MTCL3: variants seen among roughly 807,000 people sequenced by gnomAD.
MTCL3 encodes the protein microtubule cross-linking factor 3.
the MTCL3 span, chr6:127,476,272 G>A: frequency 6.2e-7 from 1 of 1,614,144 alleles, no homozygotes; most frequent in Non-Finnish European, 8.5e-7. The surrounding 1 kb of genome is among the most constrained non-coding windows in gnomAD (Gnocchi z 4.4). Context: ...CTTGAGCTCG[G>A]CCTCCCTAGT....
At chr6:127,512,183 G>A in the MTCL3 span, among the ~76,000 whole-genome samples, 1 of 151,956 alleles carries the variant, frequency 6.6e-6, no homozygotes, top group Non-Finnish European at 1.5e-5. Flanking sequence ...TCTTTTAGAA[G>A]ACTCATGGTA....
chr6:127,502,849 G>A, the MTCL3 span, among the ~76,000 whole-genome samples: 1 of 152,186 alleles, frequency 6.6e-6, no homozygotes, highest in East Asian at 1.9e-4. Context: ...TTGAGAGTCA[G>A]CTATTACGTG....
the MTCL3 span, chr6:127,475,255 C>G: frequency 1.9e-6 from 3 of 1,546,538 alleles, no homozygotes; most frequent in Non-Finnish European, 2.6e-6. This position sits in a 1 kb window ranked among gnomAD's most constrained non-coding sequence, Gnocchi z 7.3. Context: ...ACGGGCCAGC[C>G]TGGCCACCGC....
the MTCL3 span, among the ~76,000 whole-genome samples, chr6:127,500,671 T>G: frequency 6.6e-6 from 1 of 152,180 alleles, no homozygotes; most frequent in Non-Finnish European, 1.5e-5. Flanking sequence ...ATCTTCTCCT[T>G]CTCCCACCTT....
At chr6:127,482,869 T>A in the MTCL3 span, 1 of 1,419,948 alleles carries the variant, frequency 7.0e-7, no homozygotes. The surrounding 1 kb of genome is among the most constrained non-coding windows in gnomAD (Gnocchi z 4.1). Flanking sequence ...TTATATACAC[T>A]TAGAGGTACT....
chr6:127,515,921 T>G, the MTCL3 span: 3 of 1,610,532 alleles, frequency 1.9e-6, no homozygotes, highest in Non-Finnish European at 2.5e-6. This position sits in a 1 kb window ranked among gnomAD's most constrained non-coding sequence, Gnocchi z 4.3. Flanking sequence ...CCGGAGTTTC[T>G]GCTGCCGGTT....
At chr6:127,486,535 C>T in the MTCL3 span, among the ~76,000 whole-genome samples, 6 of 152,146 alleles carry the variant, frequency 3.9e-5, no homozygotes, top group Non-Finnish European at 5.9e-5. Flanking sequence ...CTTGTAACCT[C>T]TGCTAGGGGA....
chr6:127,506,190 C>T, the MTCL3 span, among the ~76,000 whole-genome samples: 8 of 152,134 alleles, frequency 5.3e-5, no homozygotes, highest in Non-Finnish European at 1.0e-4. Flanking sequence ...TGACTATTAT[C>T]TTTTCTGTAA....
the MTCL3 span, chr6:127,475,648 G>A: frequency 6.3e-7 from 1 of 1,594,954 alleles, no homozygotes; most frequent in Non-Finnish European, 8.5e-7. The surrounding 1 kb of genome is among the most constrained non-coding windows in gnomAD (Gnocchi z 7.3). Context: ...GCGAGTGGGC[G>A]TGAGGCAGCG....
chr6:127,506,260 C>T, the MTCL3 span, among the ~76,000 whole-genome samples: 8 of 152,148 alleles, frequency 5.3e-5, no homozygotes, highest in African/African-American at 1.9e-4. Context: ...TTAGAAGGCT[C>T]ATTTATCCAT....
chr6:127,500,977 A>G, the MTCL3 span, among the ~76,000 whole-genome samples: 1 of 152,050 alleles, frequency 6.6e-6, no homozygotes, highest in Non-Finnish European at 1.5e-5. Flanking sequence ...ACGCCTGGCT[A>G]ATTTTTTTGT....
At chr6:127,510,466 A>C in the MTCL3 span, among the ~76,000 whole-genome samples, 1 of 152,194 alleles carries the variant, frequency 6.6e-6, no homozygotes, top group Non-Finnish European at 1.5e-5. Flanking sequence ...CTTTTATTTT[A>C]AGATGGGAGA....
At chr6:127,507,987 G>A in the MTCL3 span, among the ~76,000 whole-genome samples, 3 of 151,038 alleles carry the variant, frequency 2.0e-5, no homozygotes, top group Non-Finnish European at 2.9e-5. Flanking sequence ...CATGTTATTC[G>A]ACAAACTATT....
At chr6:127,476,457 T>C in the MTCL3 span, 3 of 1,586,610 alleles carry the variant, frequency 1.9e-6, no homozygotes, top group Non-Finnish European at 2.6e-6. The surrounding 1 kb of genome is among the most constrained non-coding windows in gnomAD (Gnocchi z 4.4). Context: ...ACTTCAGATC[T>C]TCATTGTCCT....
the MTCL3 span, chr6:127,475,418 G>A: frequency 6.2e-7 from 1 of 1,613,282 alleles, no homozygotes. The surrounding 1 kb of genome is among the most constrained non-coding windows in gnomAD (Gnocchi z 7.3). Flanking sequence ...CGGTAGAGCA[G>A]CTCGTGCTCC....
the MTCL3 span, among the ~76,000 whole-genome samples, chr6:127,495,718 T>C: frequency 1.1e-4 from 17 of 152,310 alleles, no homozygotes; most frequent in East Asian, 2.9e-3. Flanking sequence ...ACTGAAAGGA[T>C]ATAGAAGCAC....
the MTCL3 span, chr6:127,516,468 C>A: frequency 6.3e-7 from 1 of 1,599,770 alleles, no homozygotes; most frequent in East Asian, 2.2e-5. Flanking sequence ...TCTGTCGCAG[C>A]GAACTGTCCC....
At chr6:127,514,596 C>T in the MTCL3 span, among the ~76,000 whole-genome samples, 2 of 152,250 alleles carry the variant, frequency 1.3e-5, no homozygotes, top group South Asian at 4.1e-4. Context: ...CAGGAGAGCA[C>T]ACTTAGCTCG....
At chr6:127,475,223 C>T in the MTCL3 span, 5 of 1,487,292 alleles carry the variant, frequency 3.4e-6, no homozygotes, top group Non-Finnish European at 4.5e-6. The surrounding 1 kb of genome is among the most constrained non-coding windows in gnomAD (Gnocchi z 7.3). Flanking sequence ...GGCGCCGAGA[C>T]GCCCCCCAGG....
Sources: allele counts gnomAD v4.1 joint callset (sites outside exome capture counted in the v4.1 genomes callset), GRCh38; gene constraint gnomAD v4.1.1; non-coding constraint Gnocchi (gnomAD v3.1); transcripts MANE v1.5; gene names NCBI Gene and HGNC (gene_info 2026-07-23, HGNC 2026-07-21).